CCL13: variants seen among roughly 807,000 people sequenced by gnomAD.
CCL13 encodes C-C motif chemokine ligand 13.
Under a neutral mutation model 6.6 loss-of-function variants are expected in CCL13, and 5 were observed. The ratio of observed to expected loss-of-function variants is 0.76; its 90% confidence interval spans 0.40 to 1.60. CCL13 has a LOEUF of 1.60. CCL13 is among the 40% of genes most tolerant of loss of function. CCL13 has a pLI of 0.02. For missense variants in CCL13, 117 were observed against 114.2 expected, an observed-to-expected ratio of 1.02 and a Z score of -0.11; for synonymous variants, 39 against 43.0, an observed-to-expected ratio of 0.91 and a Z score of 0.37.
At chr17:34,357,442 C>A in intron 1 of CCL13, 33 bp from the exon 2 acceptor site, 1 of 1,432,530 alleles carries the variant, frequency 7.0e-7, no homozygotes, top group Non-Finnish European at 9.8e-7. Context: ...CCTAACACAT[C>A]CTCAAAGTCT....
chr17:34,356,585 A>G lies in CCL13; in HGVS notation c.59A>G (p.Gln20Arg). The change falls in exon 1 of 3, where the codon CAG becomes CGG. Residue 20 changes from glutamine to arginine, a missense_variant. Gln to Arg is a conservative substitution (Grantham distance 43). Coordinates refer to ENST00000225844, the MANE Select transcript of CCL13 (RefSeq NM_005408.3). The part of the protein sequence containing the change: ...LLLMTAAFNP[Q>R]GLAQPDALNV... Reference sequence around the variant, plus strand: ...CTCATGACAGCAGCTTTCAACCCCCAGGGACTTGCTCAGCCAGGTAAGTCA... The same window carrying G: ...CTCATGACAGCAGCTTTCAACCCCCGGGGACTTGCTCAGCCAGGTAAGTCA... The G allele has an allele frequency of 6.2e-7, 1 of 1,612,846 alleles. No individual in the cohort carries two copies. The highest frequency in any genetic ancestry group is 1.1e-5 in the South Asian group (1 of 91,042).
At chr17:34,357,662 G>A (rs1302307647) in intron 2 of CCL13, 73 bp downstream of exon 2, 3 of 885,210 alleles carry the variant, frequency 3.4e-6, no homozygotes, top group Non-Finnish European at 5.7e-6. Context: ...TCTGCCCCAG[G>A]AGACAGACGT....
At chr17:34,357,735 T>C (rs1256353091) in intron 2 of CCL13, 146 bp downstream of exon 2, 5 of 649,958 alleles carry the variant, frequency 7.7e-6, no homozygotes, top group South Asian at 7.4e-5. Context: ...TCCTCCAATT[T>C]TGGCTGCACA....
At chr17:34,356,696 A>T in intron 1 of CCL13, 94 bp downstream of exon 1, 1 of 816,392 alleles carries the variant, frequency 1.2e-6, no homozygotes. Flanking sequence ...TTTTTTTTAG[A>T]TTGAGTCTCA....
rs1910399197 is a variant in CCL13, at chr17:34,358,053, C to T, written c.219C>T (p.Ile73=). The T allele has an allele frequency of 6.2e-7, 1 of 1,613,568 alleles. No individual in the cohort carries two copies. Among genetic ancestry groups the T allele is most frequent in the African/African-American group, 1.3e-5 (1 of 74,908 alleles). ...TCAGAACCAAACTGGGCAAGGAGAT[C>T]TGTGCTGACCCAAAGGAGAAGTGGG... is the stretch of plus-strand genomic sequence containing the variant. ...VIFRTKLGKE[I]CADPKEKWVQ... Residue 73 remains isoleucine, a synonymous_variant, in exon 3 of 3, where the codon ATC becomes ATT. Coordinates refer to ENST00000225844, the MANE Select transcript of CCL13 (RefSeq NM_005408.3).
Position 34,358,116 on chromosome 17 carries a change from C to G in CCL13, c.282C>G (p.His94Gln). The G allele has an allele frequency of 6.2e-7, 1 of 1,613,248 alleles. No individual in the cohort carries two copies. Among genetic ancestry groups the G allele is most frequent in the African/African-American group, 1.3e-5 (1 of 75,044 alleles). The change falls in exon 3 of 3, where the codon CAC (histidine) becomes CAG (glutamine). Residue 94 changes from histidine to glutamine, a missense_variant. His to Gln is a conservative substitution (Grantham distance 24). Coordinates refer to ENST00000225844, the MANE Select transcript of CCL13 (RefSeq NM_005408.3). The stretch of plus-strand genomic sequence containing the variant: ...TGAAACACCTGGGCCGGAAAGCTCA[C>G]ACCCTGAAGACTTGAACTCTGCTAC... ...NYMKHLGRKA[H>Q]TLKT
At position 34,358,085 on chromosome 17, in the gene CCL13, A is replaced by G. The variant is rs577924843; in HGVS notation, c.251A>G (p.Asn84Ser). 80 of 1,614,082 alleles carry G rather than the reference A, an allele frequency of 5.0e-5. No homozygotes were observed. The South Asian group carries it at 8.2e-4, about 17-fold the overall frequency. Residue 84 changes from asparagine to serine, a missense_variant, in exon 3 of 3, where the codon AAT becomes AGT. Coordinates refer to ENST00000225844, the MANE Select transcript of CCL13 (RefSeq NM_005408.3). ...CADPKEKWVQ[N>S]YMKHLGRKAH... ...GACCCAAAGGAGAAGTGGGTCCAGA[A>G]TTATATGAAACACCTGGGCCGGAAA...
At chr17:34,357,958 G>A (rs1043246418) in intron 2 of CCL13, 68 bp from the exon 3 acceptor site, 1 of 1,134,828 alleles carries the variant, frequency 8.8e-7, no homozygotes, top group African/African-American at 1.5e-5. Context: ...TTAGAACCCA[G>A]TGTGTCATCT....
intron 2 of CCL13, 97 bp from the exon 3 acceptor site, chr17:34,357,929 G>A: frequency 5.1e-6 from 4 of 789,058 alleles, no homozygotes; most frequent in Non-Finnish European, 8.4e-6. Context: ...TTCACCTGTA[G>A]TAGGTGGACC....
At position 34,356,567 on chromosome 17, in the gene CCL13, C is replaced by T. The variant is rs751009010; in HGVS notation, c.41C>T (p.Thr14Ile). ...GTGCTTCTGTGCCTGCTGCTCATGA[C>T]AGCAGCTTTCAACCCCCAGGGACTT... ...SAVLLCLLLM[T>I]AAFNPQGLAQ... Residue 14 changes from threonine (T) to isoleucine (I), a missense_variant, in exon 1 of 3, where the codon ACA (threonine) becomes ATA (isoleucine). Coordinates refer to ENST00000225844, the MANE Select transcript of CCL13 (RefSeq NM_005408.3). 3.1e-6 allele frequency: 5 copies of T among 1,613,424 alleles called. No individual in the cohort carries two copies. In the Middle Eastern group the frequency reaches 5.0e-4, roughly 160 times the overall value.
At position 34,358,020 on chromosome 17, in the gene CCL13, C is replaced by G; in HGVS notation, c.192-6C>G. 2 of 1,606,898 alleles carry G rather than the reference C, an allele frequency of 1.2e-6. No homozygotes were observed. The highest frequency in any genetic ancestry group is 2.2e-5 in the South Asian group (2 of 90,696). Reference sequence around the variant, plus strand: ...TCTAACTGTGCCAGATCTCCTTCCTCCACAGCTTCAGAACCAAACTGGGCA... The same window carrying G: ...TCTAACTGTGCCAGATCTCCTTCCTGCACAGCTTCAGAACCAAACTGGGCA... On this transcript the variant is annotated splice_polypyrimidine_tract_variant and splice_region_variant and intron_variant, in intron 2 of 2. Coordinates refer to ENST00000225844, the MANE Select transcript of CCL13 (RefSeq NM_005408.3).
At chr17:34,356,921 C>T (rs755629496) in intron 1 of CCL13, among the ~76,000 whole-genome samples, 5 of 152,180 alleles carry the variant, frequency 3.3e-5, no homozygotes, top group East Asian at 3.9e-4. Context: ...GTGATCCTCC[C>T]GTCTCGGCCT....
intron 2 of CCL13, 54 bp downstream of exon 2, chr17:34,357,643 A>G (rs1597613471): frequency 5.6e-6 from 6 of 1,071,922 alleles, no homozygotes; most frequent in South Asian, 5.1e-5. Flanking sequence ...ACATTCCCCA[A>G]TCCAAAGTTC....
chr17:34,358,120 CTGAAGACT>C lies in CCL13; in HGVS notation c.291_*1del, dbSNP rs750754428. 1.9e-6 allele frequency: 3 copies of C among 1,612,760 alleles called. No individual in the cohort carries two copies. The East Asian group carries it at 6.7e-5, about 36-fold the overall frequency. ...ACACCTGGGCCGGAAAGCTCACACC[CTGAAGACT>C]TGAACTCTGCTACCCCTACTGAAAT... On this transcript the variant is annotated frameshift_variant, in exon 3 of 3. Transcript: ENST00000225844. LOFTEE classifies it high-confidence loss of function.
rs753641013 is a variant in CCL13 at position 34,358,162 on chromosome 17, A to G, written c.*31A>G. On this transcript the variant is annotated 3_prime_UTR_variant, in exon 3 of 3. Coordinates refer to ENST00000225844, the MANE Select transcript of CCL13 (RefSeq NM_005408.3). ...GCTACCCCTACTGAAATCAAGCTGG[A>G]GTACGTGAAATGACTTTTCCATTCT... 2 of 1,475,044 alleles carry G rather than the reference A, an allele frequency of 1.4e-6. No individual in the cohort carries two copies. Among genetic ancestry groups the G allele is most frequent in the South Asian group, 1.1e-5 (1 of 88,026 alleles). 91.4% of individuals were successfully genotyped at this position (1,475,044 alleles called of 1,614,324 possible). A position where few individuals can be genotyped will look rare whatever the true frequency, so the allele number is the denominator to read the frequency against.
chr17:34,356,558 T>C lies in CCL13; in HGVS notation c.32T>C (p.Leu11Pro). Residue 11 changes from leucine to proline, a missense_variant, in exon 1 of 3, where the codon CTG (leucine) becomes CCG (proline). By Grantham distance (98) the Leu-to-Pro change is moderately conservative (BLOSUM62 -3). Coordinates refer to ENST00000225844, the MANE Select transcript of CCL13 (RefSeq NM_005408.3). MKVSAVLLCL[L>P]LMTAAFNPQG... ...GTCTCTGCAGTGCTTCTGTGCCTGC[T>C]GCTCATGACAGCAGCTTTCAACCCC... is the stretch of plus-strand genomic sequence containing the variant. 6.2e-7 allele frequency: 1 copy of C among 1,613,704 alleles called. No homozygotes were observed. The highest frequency in any genetic ancestry group is 2.2e-5 in the East Asian group (1 of 44,844).
chr17:34,356,653 C>A, intron 1 of CCL13, 51 bp downstream of exon 1: 1 of 1,335,064 alleles, frequency 7.5e-7, no homozygotes, highest in Non-Finnish European at 1.1e-6. Context: ...TTTCTCTATT[C>A]AAGGAAGACC....
chr17:34,356,749 A>T (rs1419620133), intron 1 of CCL13, 147 bp downstream of exon 1: 3 of 560,432 alleles, frequency 5.4e-6, no homozygotes, highest in Non-Finnish European at 9.7e-6. Context: ...ATCTTGGCTC[A>T]TTGCAACCTT....
intron 2 of CCL13, 24 bp downstream of exon 2, chr17:34,357,613 C>T (rs1485769080): frequency 7.1e-7 from 1 of 1,399,130 alleles, no homozygotes; most frequent in Non-Finnish European, 1.0e-6. Context: ...TCCCTGCTCA[C>T]CTGGCTCCTC....
Sources: allele counts gnomAD v4.1 joint callset (sites outside exome capture counted in the v4.1 genomes callset), GRCh38; gene constraint gnomAD v4.1.1; transcripts MANE v1.5; gene names NCBI Gene and HGNC (gene_info 2026-07-23, HGNC 2026-07-21).